ENTHD1: variants seen among roughly 807,000 people sequenced by gnomAD.
ENTHD1 encodes the protein ENTH domain-containing protein 1.
In ENTHD1, 23 loss-of-function variants were observed where a neutral mutation model predicts 39.1. That is an observed-to-expected ratio of 0.59 (90% confidence interval 0.42 to 0.83). The LOEUF is 0.83. Ranked by LOEUF, ENTHD1 falls within the 40% of genes least tolerant of loss-of-function variation. ENTHD1 has a pLI of 0.00. For synonymous variants in ENTHD1, 230 were observed against 258.2 expected, an observed-to-expected ratio of 0.89 and a Z score of 1.05; for missense variants, 624 against 705.4, an observed-to-expected ratio of 0.88 and a Z score of 1.31.
intron 6 of ENTHD1, among the ~76,000 whole-genome samples, chr22:39,761,082 T>A (rs965167159): frequency 3.3e-4 from 51 of 152,298 alleles, no homozygotes; most frequent in African/African-American, 1.2e-3. Flanking sequence ...GTAACTAGCA[T>A]AATTTCTCAT....
chr22:39,838,509 A>G (rs959335227), intron 3 of ENTHD1, among the ~76,000 whole-genome samples: 1 of 152,288 alleles, frequency 6.6e-6, no homozygotes, highest in Admixed American at 6.5e-5. Context: ...TTTTCTCAGC[A>G]TTTATCTTTA....
intron 5 of ENTHD1, among the ~76,000 whole-genome samples, chr22:39,812,180 A>G (rs973042545): frequency 3.9e-5 from 6 of 152,008 alleles, no homozygotes; most frequent in African/African-American, 1.2e-4. Flanking sequence ...AATCAAAAGG[A>G]GTATGTATAG....
At chr22:39,774,240 T>G (rs1364399943) in intron 5 of ENTHD1, among the ~76,000 whole-genome samples, 5 of 152,200 alleles carry the variant, frequency 3.3e-5, no homozygotes, top group East Asian at 3.8e-4. Flanking sequence ...TGGCCCTGTT[T>G]CCTGTGAAAT....
chr22:39,787,793 G>C (rs1378564131), intron 5 of ENTHD1, among the ~76,000 whole-genome samples: 1 of 152,202 alleles, frequency 6.6e-6, no homozygotes, highest in East Asian at 1.9e-4. Context: ...AGGTAAAGCA[G>C]CAAGTGCTGA....
chr22:39,758,884 G>A (rs747700912), intron 6 of ENTHD1, among the ~76,000 whole-genome samples: 3 of 152,130 alleles, frequency 2.0e-5, no homozygotes, highest in Non-Finnish European at 2.9e-5. Context: ...ATTTCCATCT[G>A]ATTCTGTTAA....
chr22:39,875,873 T>G, intron 2 of ENTHD1: 1 of 1,613,946 alleles, frequency 6.2e-7, no homozygotes, highest in Non-Finnish European at 8.5e-7. Flanking sequence ...ATTATCACAG[T>G]TGAGGGACCC....
chr22:39,885,043 C>T (rs1032742350), intron 2 of ENTHD1, among the ~76,000 whole-genome samples: 7 of 152,162 alleles, frequency 4.6e-5, no homozygotes, highest in African/African-American at 1.7e-4. Flanking sequence ...CATCAAAAGA[C>T]ACCTCCAACA....
intron 3 of ENTHD1, among the ~76,000 whole-genome samples, chr22:39,852,282 G>A (rs1017640547): frequency 1.3e-5 from 2 of 152,114 alleles, no homozygotes; most frequent in African/African-American, 4.8e-5. Context: ...GGGAGGTCAA[G>A]GTGGCAGTGA....
At chr22:39,875,163 A>T (rs1361905460) in intron 2 of ENTHD1, 1 of 504,944 alleles carries the variant, frequency 2.0e-6, no homozygotes, top group Non-Finnish European at 3.0e-6. Flanking sequence ...ATTCTGATAT[A>T]CATAACAATA....
intron 6 of ENTHD1, among the ~76,000 whole-genome samples, chr22:39,763,744 A>G (rs1299418891): frequency 6.6e-6 from 1 of 152,204 alleles, no homozygotes; most frequent in East Asian, 1.9e-4. Context: ...CAGACAAAAA[A>G]GTTCTCCTTG....
chr22:39,823,221 T>A (rs1188852978), intron 4 of ENTHD1, among the ~76,000 whole-genome samples: 1 of 152,108 alleles, frequency 6.6e-6, no homozygotes, highest in Non-Finnish European at 1.5e-5. Context: ...TCATTGCGAG[T>A]AGTACCCTTG....
At chr22:39,812,762 T>C (rs934219770) in intron 5 of ENTHD1, among the ~76,000 whole-genome samples, 23 of 152,130 alleles carry the variant, frequency 1.5e-4, no homozygotes, top group African/African-American at 5.6e-4. Context: ...GGCAGGTTGA[T>C]TACATTGGAT....
intron 1 of ENTHD1, among the ~76,000 whole-genome samples, chr22:39,892,834 T>A (rs1400314331): frequency 6.6e-6 from 1 of 152,362 alleles, no homozygotes; most frequent in East Asian, 1.9e-4. Context: ...CCAAGAATGC[T>A]ACGGGAAAAT....
chr22:39,876,327 T>A (rs2066289136), intron 2 of ENTHD1, among the ~76,000 whole-genome samples: 1 of 152,198 alleles, frequency 6.6e-6, no homozygotes, highest in Admixed American at 6.5e-5. Flanking sequence ...TTATGCTCAG[T>A]CATACACGCG....
At chr22:39,869,275 T>C (rs938661999) in intron 2 of ENTHD1, among the ~76,000 whole-genome samples, 20 of 152,182 alleles carry the variant, frequency 1.3e-4, no homozygotes, top group African/African-American at 4.8e-4. Context: ...CGAAATACTA[T>C]GCAGCCATAA....
rs548315807 is a variant in ENTHD1, at chr22:39,804,970, T to G, written c.832+16023A>C. 2.4e-3 allele frequency among the ~76,000 whole-genome samples: 360 copies of G among 152,082 alleles called. 2 individuals carry two copies. Among genetic ancestry groups the G allele is most frequent in the Non-Finnish European group, 3.7e-3 (252 of 67,990 alleles). Reference sequence around the variant, plus strand: ...ATAGAGATCTGCAGCAAGAGTCAGATCCTGGCAAGGGCACCAAGGATGTCC... The same window carrying G: ...ATAGAGATCTGCAGCAAGAGTCAGAGCCTGGCAAGGGCACCAAGGATGTCC... On this transcript the variant is annotated intron_variant, in intron 5 of 6. Coordinates refer to ENST00000325157, the MANE Select transcript of ENTHD1 (RefSeq NM_152512.4).
chr22:39,846,371 GT>G (rs931110585), intron 3 of ENTHD1, among the ~76,000 whole-genome samples: 5 of 151,704 alleles, frequency 3.3e-5, no homozygotes, highest in East Asian at 1.9e-4. Context: ...CAGCTAATTT[GT>G]TTTTTTTCTT....
chr22:39,827,347 T>G (rs2065835184), intron 4 of ENTHD1, among the ~76,000 whole-genome samples: 1 of 152,038 alleles, frequency 6.6e-6, no homozygotes, highest in Non-Finnish European at 1.5e-5. Context: ...TTTTTAAACA[T>G]TTAATAAAGA....
In ENTHD1 at chr22:39,840,257, AT is replaced by A. The variant is rs1195276105; in HGVS notation, c.593-4300del. The stretch of plus-strand genomic sequence containing the variant: ...TAATGATGCTGCAGGAAATGAAGCC[AT>A]TGAGTCATTCAAAGATGAGTGCTTC... On this transcript the variant is annotated intron_variant, in intron 3 of 6. Transcript: ENST00000325157. Among the ~76,000 whole-genome samples, 9 of 152,354 alleles carry A rather than the reference AT, an allele frequency of 5.9e-5. No homozygotes were observed. The South Asian group carries it at 1.4e-3, about 25-fold the overall frequency.
Sources: gnomAD v4.1 joint callset for allele counts (sites outside exome capture counted in the v4.1 genomes callset) on GRCh38, gnomAD v4.1.1 for gene constraint, MANE v1.5 for transcripts, NCBI Gene and HGNC (gene_info 2026-07-23, HGNC 2026-07-21) for gene names.